The following CCL17 variants were observed in gnomAD, a reference collection of about 807,000 sequenced individuals.
CCL17 encodes C-C motif chemokine ligand 17, also known as C-C motif chemokine 17.
Under a neutral mutation model 7.4 loss-of-function variants are expected in CCL17, and 8 were observed. That is an observed-to-expected ratio of 1.09 (90% CI 0.64 to 1.96). The LOEUF is 1.96. CCL17 is among the 30% of genes most tolerant of loss of function. The pLI, the probability that CCL17 is intolerant of heterozygous loss-of-function variation, is 0.00. For missense variants in CCL17, 102 were observed against 113.0 expected (o/e 0.90, Z 0.44); for synonymous variants, 40 against 46.1 (o/e 0.87, Z 0.54).
upstream of CCL17, among the ~76,000 whole-genome samples, chr16:57,403,043 A>G (rs1437749676): frequency 4.5e-5 from 6 of 134,366 alleles, no homozygotes; most frequent in African/African-American, 1.7e-4. Flanking sequence ...AAAAAAGAGC[A>G]GAGGAAGAGA....
upstream of CCL17, among the ~76,000 whole-genome samples, chr16:57,404,460 A>G (rs1172265459): frequency 1.3e-5 from 2 of 152,090 alleles, no homozygotes; most frequent in African/African-American, 4.8e-5. Flanking sequence ...TTCTGGCCCT[A>G]GTAACCGGAA....
chr16:57,398,278 A>G, the CCL17 span, among the ~76,000 whole-genome samples: 2 of 152,306 alleles, frequency 1.3e-5, no homozygotes, highest in East Asian at 1.9e-4. Context: ...GCCAGCCTTT[A>G]GCTACTACAT....
At chr16:57,414,230 C>G (rs78450494) in intron 2 of CCL17, among the ~76,000 whole-genome samples, 1 of 151,796 alleles carries the variant, frequency 6.6e-6, no homozygotes, top group South Asian at 2.1e-4. Flanking sequence ...AGGACCAAGG[C>G]GAGCACATCT....
In CCL17 at chr16:57,413,920, G is replaced by A; in HGVS notation, c.-13G>A. The A allele has an allele frequency of 6.2e-7, 1 of 1,601,686 alleles. No homozygotes were observed. The highest frequency in any genetic ancestry group is 8.5e-7 in the Non-Finnish European group (1 of 1,174,300). ...ACCTGCACACAGAGACTCCCTCCTG[G>A]GCTCCTGGCACCATGGCCCCACTGA... is the stretch of plus-strand genomic sequence containing the variant. On this transcript the variant is annotated 5_prime_UTR_variant, in exon 2 of 4. The change creates a premature stop within an existing upstream ORF in the 5' untranslated region. Transcript: ENST00000219244.
upstream of CCL17, among the ~76,000 whole-genome samples, chr16:57,403,693 G>T (rs1902654714): frequency 8.5e-6 from 1 of 117,042 alleles, no homozygotes; most frequent in Non-Finnish European, 1.7e-5. Flanking sequence ...GTCTTGCTCT[G>T]TTGCCCAGGC....
At chr16:57,406,865 C>G (rs1902703723) in intron 1 of CCL17, among the ~76,000 whole-genome samples, 5 of 152,126 alleles carry the variant, frequency 3.3e-5, no homozygotes, top group Admixed American at 2.0e-4. Flanking sequence ...GGACTCAGGG[C>G]TGTAGGTAAT....
intron 2 of CCL17, 146 bp downstream of exon 2, chr16:57,414,148 G>C: frequency 1.8e-6 from 1 of 570,556 alleles, no homozygotes; most frequent in Non-Finnish European, 3.0e-6. Context: ...ACAGCACTAG[G>C]ATTTTGAGGG....
At chr16:57,404,441 C>A (rs1454369061), upstream of CCL17, among the ~76,000 whole-genome samples, 1 of 151,980 alleles carries the variant, frequency 6.6e-6, no homozygotes, top group Non-Finnish European at 1.5e-5. Flanking sequence ...TCAGGGATAG[C>A]GCCCAGGTTT....
chr16:57,398,111 C>G, the CCL17 span, among the ~76,000 whole-genome samples: 1 of 152,182 alleles, frequency 6.6e-6, no homozygotes, highest in East Asian at 1.9e-4. Context: ...CACCTGGTAT[C>G]TAAGCAGATG....
Position 57,415,769 on chromosome 16 carries a change from G to A in CCL17, c.193G>A (p.Val65Ile), listed in dbSNP as rs1474830676. The change falls in exon 4 of 4, where the codon GTA becomes ATA. Residue 65 changes from valine to isoleucine, a missense_variant. By Grantham distance (29) the Val-to-Ile change is conservative. Coordinates refer to ENST00000219244, the MANE Select transcript of CCL17 (RefSeq NM_002987.3). The surrounding 1 kb of genome is among the most constrained non-coding windows in gnomAD (Gnocchi z 4.5). ...EDCSRDAIVF[V>I]TVQGRAICSD... The stretch of plus-strand genomic sequence containing the variant: ...TAACGTCCTCCTTCTGTGTAGTTTT[G>A]TAACTGTGCAGGGCAGGGCCATCTG... The A allele has an allele frequency of 9.9e-6, 16 of 1,608,664 alleles. No homozygotes were observed. The highest frequency in any genetic ancestry group is 1.3e-5 in the African/African-American group (1 of 74,926).
rs1385000323 is a variant in CCL17 at position 57,415,903 on chromosome 16, C to T, written c.*42C>T. 7.5e-7 allele frequency: 1 copy of T among 1,328,722 alleles called. No individual in the cohort carries two copies. The highest frequency in any genetic ancestry group is 1.2e-5 in the South Asian group (1 of 85,082). The allele number at this position is 1,328,722 out of a possible 1,614,324, so 82.3% of individuals were successfully genotyped here. A position where few individuals can be genotyped will look rare whatever the true frequency, so the allele number is the denominator to read the frequency against. ...ACTCCTGACTGTCTCCCGGGACTAC[C>T]TGGGACCTCCACCGTTGGTGTTCAC... is the stretch of plus-strand genomic sequence containing the variant. On this transcript the variant is annotated 3_prime_UTR_variant, in exon 4 of 4. Coordinates refer to ENST00000219244, the MANE Select transcript of CCL17 (RefSeq NM_002987.3). The surrounding 1 kb of genome is among the most constrained non-coding windows in gnomAD (Gnocchi z 4.5).
intron 2 of CCL17, among the ~76,000 whole-genome samples, chr16:57,414,684 A>C (rs1248982439): frequency 2.0e-5 from 3 of 152,086 alleles, no homozygotes; most frequent in Non-Finnish European, 2.9e-5. Context: ...GGCATGAGCC[A>C]CGGCGCCCAG....
At chr16:57,414,410 C>CTTTTTTTTT (rs71152269) in intron 2 of CCL17, among the ~76,000 whole-genome samples, 2 of 75,966 alleles carry the variant, frequency 2.6e-5, no homozygotes, top group East Asian at 5.1e-4. Flanking sequence ...AAAAAGGATT[C>CTTTTTTTTT]TTTTTTTTTT....
chr16:57,397,049 T>C, the CCL17 span, among the ~76,000 whole-genome samples: 1 of 152,214 alleles, frequency 6.6e-6, no homozygotes, highest in Non-Finnish European at 1.5e-5. Flanking sequence ...AAGGCTTCTA[T>C]CCAATTTGTA....
chr16:57,398,975 G>C, the CCL17 span, among the ~76,000 whole-genome samples: 1 of 152,232 alleles, frequency 6.6e-6, no homozygotes, highest in African/African-American at 2.4e-5. Flanking sequence ...CAAAGGCAAA[G>C]AGAAACTGGG....
Position 57,413,973 on chromosome 16 carries a change from TG to T in CCL17, c.46del (p.Ala16LeufsTer32). On this transcript the variant is annotated frameshift_variant, in exon 2 of 4. Transcript: ENST00000219244. LOFTEE classifies it high-confidence loss of function. ...LKMLALVTLL[L>X]GASLQHIHAA... ...ATGCTGGCCCTGGTCACCCTCCTCC[TG>T]GGGGCTTCTCTGCAGCACATCCACG... 1 of 1,611,574 alleles carries T rather than the reference TG, an allele frequency of 6.2e-7. No individual in the cohort carries two copies. Among genetic ancestry groups the T allele is most frequent in the Non-Finnish European group, 8.5e-7 (1 of 1,179,068 alleles).
At chr16:57,406,592 G>T (rs1902699607) in intron 1 of CCL17, among the ~76,000 whole-genome samples, 1 of 152,106 alleles carries the variant, frequency 6.6e-6, no homozygotes, top group African/African-American at 2.4e-5. Flanking sequence ...CTGAGAAGAG[G>T]AGCTCACAGG....
At chr16:57,400,264 T>C (rs392596), upstream of CCL17, among the ~76,000 whole-genome samples, 52,288 of 151,264 alleles carry the variant, frequency 0.35, 12,371 homozygotes, top group African/African-American at 0.68. Flanking sequence ...GAGGCTGAGC[T>C]AGGAGAATGG....
chr16:57,405,643 A>T (rs1358189296), intron 1 of CCL17, among the ~76,000 whole-genome samples: 1 of 151,988 alleles, frequency 6.6e-6, no homozygotes, highest in Non-Finnish European at 1.5e-5. Context: ...AGGCAGAGAG[A>T]GCTGAGGGGT....
Sources: allele counts gnomAD v4.1 joint callset (sites outside exome capture counted in the v4.1 genomes callset), GRCh38; gene constraint gnomAD v4.1.1; non-coding constraint Gnocchi (gnomAD v3.1); transcripts MANE v1.5; gene names NCBI Gene and HGNC (gene_info 2026-07-23, HGNC 2026-07-21).